The following MR1 variants were observed in gnomAD, a reference collection of about 807,000 sequenced individuals.
The protein encoded by MR1 is major histocompatibility complex, class I-related, also known as major histocompatibility complex class I-related protein 1.
A neutral mutation model predicts 37.8 loss-of-function variants in MR1; 44 were observed. That is an observed-to-expected ratio of 1.16 (90% CI 0.91 to 1.50). The LOEUF (loss-of-function observed/expected upper bound fraction) is 1.50. Ranked by LOEUF, MR1 falls within the 40% of genes most tolerant of loss-of-function variation. The probability of loss-of-function intolerance (pLI) is 0.00; values close to 1 mark genes in which losing one functional copy is unlikely to be tolerated. For missense variants in MR1, 386 were observed against 419.1 expected, an observed-to-expected ratio of 0.92 and a Z score of 0.69; for synonymous variants, 153 against 155.8, an observed-to-expected ratio of 0.98 and a Z score of 0.13.
chr1:181,039,884 A>G (rs1325177835), intron 1 of MR1, among the ~76,000 whole-genome samples: 2 of 151,904 alleles, frequency 1.3e-5, no homozygotes, highest in African/African-American at 4.8e-5. Context: ...AAAAAAAAGA[A>G]AAAAGAAAAG....
intron 1 of MR1, among the ~76,000 whole-genome samples, chr1:181,048,454 G>A (rs1179921643): frequency 6.6e-6 from 1 of 151,402 alleles, no homozygotes. Flanking sequence ...ACAATCACTT[G>A]AACCCAGGAG....
At chr1:181,053,194 C>T (rs1307211386) in intron 4 of MR1, among the ~76,000 whole-genome samples, 1 of 152,100 alleles carries the variant, frequency 6.6e-6, no homozygotes, top group Non-Finnish European at 1.5e-5. Context: ...CCAGCCTGGG[C>T]AACATACTGA....
At chr1:181,033,752 T>A (rs561066668), upstream of MR1, 29 of 368,736 alleles carry the variant, frequency 7.9e-5, no homozygotes, top group Non-Finnish European at 1.3e-4. Context: ...CTATGCTCCA[T>A]AAATATTTAA....
At chr1:181,045,063 T>C (rs1657777378) in intron 1 of MR1, among the ~76,000 whole-genome samples, 1 of 152,190 alleles carries the variant, frequency 6.6e-6, no homozygotes, top group South Asian at 2.1e-4. Flanking sequence ...GGATAGAACA[T>C]ATTTCAAGTT....
intron 1 of MR1, among the ~76,000 whole-genome samples, chr1:181,043,661 C>T (rs6658363): frequency 0.3 from 45,168 of 151,962 alleles, 7,664 homozygotes; most frequent in African/African-American, 0.47. Flanking sequence ...GTGATCATGC[C>T]GCTGCACTCC....
At chr1:181,055,172 T>G in intron 5 of MR1, 53 bp from the exon 6 acceptor site, 99 of 1,560,346 alleles carry the variant, frequency 6.3e-5, no homozygotes, top group Non-Finnish European at 7.8e-5. Flanking sequence ...ACTTTATTTT[T>G]GAGCTGTGAG....
At chr1:181,054,481 C>T (rs141359978) in intron 5 of MR1, among the ~76,000 whole-genome samples, 211 of 152,304 alleles carry the variant, frequency 1.4e-3, no homozygotes, top group African/African-American at 4.7e-3. Context: ...TAGACATAGA[C>T]CTCAACTCCA....
chr1:181,052,449 C>T lies in MR1; in HGVS notation c.819C>T (p.Ser273=), dbSNP rs753983560. Residue 273 remains serine, a synonymous_variant, in exon 4 of 6, where the codon AGC becomes AGT. Coordinates refer to ENST00000367580, the MANE Select transcript of MR1 (RefSeq NM_001385161.1). Reference sequence around the variant, plus strand: ...CAATTGAGCTTGATCCTCAGAGCAGCAACCTTTACTCCTGTCATGTGGAGC... The same window carrying T: ...CAATTGAGCTTGATCCTCAGAGCAGTAACCTTTACTCCTGTCATGTGGAGC... ...WASIELDPQS[S]NLYSCHVEHC... 3.1e-6 allele frequency: 5 copies of T among 1,614,184 alleles called. No individual in the cohort carries two copies. Among genetic ancestry groups the T allele is most frequent in the Non-Finnish European group, 4.2e-6 (5 of 1,180,038 alleles).
chr1:181,047,616 G>A (rs1475097579), intron 1 of MR1, among the ~76,000 whole-genome samples: 3 of 143,578 alleles, frequency 2.1e-5, no homozygotes, highest in Non-Finnish European at 3.0e-5. Context: ...TAAATAAATA[G>A]GCTGGGCACG....
chr1:181,054,088 A>G (rs1470358638), intron 5 of MR1, among the ~76,000 whole-genome samples: 5 of 152,228 alleles, frequency 3.3e-5, no homozygotes, highest in Non-Finnish European at 5.9e-5. Context: ...TTTCATCCCA[A>G]GCATATGAAA....
At chr1:181,042,709 G>A (rs796593529) in intron 1 of MR1, among the ~76,000 whole-genome samples, 3 of 152,070 alleles carry the variant, frequency 2.0e-5, no homozygotes, top group African/African-American at 7.2e-5. Flanking sequence ...GGGAGGCTGG[G>A]GCAGGGAGAA....
At position 181,053,201 on chromosome 1, in the gene MR1, C is replaced by A. The variant is rs1407689513; in HGVS notation, c.881-372C>A. On this transcript the variant is annotated intron_variant, in intron 4 of 5. Transcript: ENST00000367580. Reference sequence around the variant, plus strand: ...GTTCAAGACCAGCCTGGGCAACATACTGAGATCTCATCTCTACAAAAAACA... The same window carrying A: ...GTTCAAGACCAGCCTGGGCAACATAATGAGATCTCATCTCTACAAAAAACA... Among the ~76,000 whole-genome samples, 9 of 152,082 alleles carry A rather than the reference C, an allele frequency of 5.9e-5. No homozygotes were observed. The South Asian group carries it at 1.5e-3, about 25-fold the overall frequency.
chr1:181,050,191 A>C lies in MR1; in HGVS notation c.509A>C (p.His170Pro). ...AAGCAGGCATGGGAGGCCAATCAGCATGAGTTGCTGTATCAAAAGAATTGG... is the reference window on the plus strand; with the variant it reads ...AAGCAGGCATGGGAGGCCAATCAGCCTGAGTTGCTGTATCAAAAGAATTGG... ...TIKQAWEANQ[H>P]ELLYQKNWLE... is the part of the protein sequence containing the mutation. The change falls in exon 3 of 6, where the codon CAT (histidine) becomes CCT (proline). Residue 170 changes from histidine (H) to proline (P), a missense_variant. Transcript: ENST00000367580. The C allele has an allele frequency of 1.9e-6, 3 of 1,614,252 alleles. No individual in the cohort carries two copies. The highest frequency in any genetic ancestry group is 1.1e-5 in the South Asian group (1 of 91,092).
chr1:181,051,538 C>A (rs1212757787), intron 3 of MR1, among the ~76,000 whole-genome samples: 3 of 152,002 alleles, frequency 2.0e-5, no homozygotes, highest in Non-Finnish European at 4.4e-5. Context: ...CCAGATAGTG[C>A]CTTTGGTCTC....
chr1:181,054,837 G>A (rs1001498651), intron 5 of MR1, among the ~76,000 whole-genome samples: 3 of 151,848 alleles, frequency 2.0e-5, no homozygotes, highest in Admixed American at 6.6e-5. Context: ...CTCCAGCCTG[G>A]GCAGCAAGAG....
chr1:181,037,289 T>G lies in MR1; in HGVS notation c.67+3215T>G, dbSNP rs533500525. On this transcript the variant is annotated intron_variant, in intron 1 of 5. Transcript: ENST00000367580. Reference sequence around the variant, plus strand: ...CATATTATCTGCTTAGAAGTGACCTTGAGTTCAAAGAGTTAACATGAGAAA... The same window carrying G: ...CATATTATCTGCTTAGAAGTGACCTGGAGTTCAAAGAGTTAACATGAGAAA... Among the ~76,000 whole-genome samples the G allele has an allele frequency of 9.2e-5, 14 of 152,320 alleles. No individual in the cohort carries two copies. The South Asian group carries it at 2.7e-3, about 29-fold the overall frequency.
At chr1:181,037,778 A>AT (rs1657350836) in intron 1 of MR1, among the ~76,000 whole-genome samples, 1 of 152,162 alleles carries the variant, frequency 6.6e-6, no homozygotes, top group South Asian at 2.1e-4. Flanking sequence ...TAAAATCGGG[A>AT]TTTTCTGGGA....
chr1:181,041,768 TTTAAATAGTG>T (rs1657565166), intron 1 of MR1, among the ~76,000 whole-genome samples: 2 of 152,262 alleles, frequency 1.3e-5, no homozygotes, highest in Admixed American at 6.5e-5. Context: ...GCCTTCCTTT[TTTAAATAGTG>T]TTGCCCATTC....
intron 2 of MR1, 23 bp from the exon 3 acceptor site, chr1:181,049,988 C>G (rs745862016): frequency 1.2e-6 from 2 of 1,606,330 alleles, no homozygotes; most frequent in Non-Finnish European, 1.7e-6. Context: ...GTGGACCCCT[C>G]TGGGCTTCTG....
Sources: gnomAD v4.1 joint callset for allele counts (sites outside exome capture counted in the v4.1 genomes callset) on GRCh38, gnomAD v4.1.1 for gene constraint, MANE v1.5 for transcripts, NCBI Gene and HGNC (gene_info 2026-07-23, HGNC 2026-07-21) for gene names.